FAM161A: variants seen among roughly 807,000 people sequenced by gnomAD.
FAM161A encodes the protein protein FAM161A.
A neutral mutation model predicts 70.9 loss-of-function variants in FAM161A; 57 were observed. That is an observed-to-expected ratio of 0.80 (90% CI 0.65 to 1.00). The LOEUF (loss-of-function observed/expected upper bound fraction) is 1.00. FAM161A is among the 50% of genes least tolerant of loss of function. The probability of loss-of-function intolerance (pLI) is 0.00; values close to 1 mark genes in which losing one functional copy is unlikely to be tolerated. For synonymous variants in FAM161A, 299 were observed against 295.7 expected, an observed-to-expected ratio of 1.01 and a Z score of -0.12; for missense variants, 880 against 836.0, an observed-to-expected ratio of 1.05 and a Z score of -0.65.
intron 1 of FAM161A, among the ~76,000 whole-genome samples, chr2:61,849,560 G>A (rs1395668170): frequency 2.0e-5 from 3 of 151,920 alleles, no homozygotes; most frequent in East Asian, 3.9e-4. Flanking sequence ...CAAGGCTGGC[G>A]AATCACTTGA....
In FAM161A at chr2:61,840,566, C is replaced by A. The variant is rs745589854; in HGVS notation, c.438G>T (p.Lys146Asn). The change falls in exon 3 of 7, where the codon AAG becomes AAT. Residue 146 changes from lysine (K) to asparagine (N), a missense_variant. Lys to Asn is a moderately conservative substitution (Grantham distance 94). Transcript: ENST00000404929. ...TTAATGAGACAGGGTGATAGGAGTT[C>A]TTTTCTGATACAGATCTAAATGAGA... The part of the protein sequence containing the change: ...LSDSSRSVSE[K>N]NSYHPVSLMT... The A allele has an allele frequency of 1.2e-6, 2 of 1,608,278 alleles. No homozygotes were observed. Among genetic ancestry groups the A allele is most frequent in the Admixed American group, 1.7e-5 (1 of 60,000 alleles).
At chr2:61,801,366 AGG>A in the FAM161A span, among the ~76,000 whole-genome samples, 1 of 151,364 alleles carries the variant, frequency 6.6e-6, no homozygotes, top group Non-Finnish European at 1.5e-5. Context: ...GTGTGGTAGC[AGG>A]CGCCTGTAAT....
At position 61,826,245 on chromosome 2, in the gene FAM161A, A is replaced by G. The variant is rs1031649889; in HGVS notation, c.*210T>C. The G allele has an allele frequency of 1.0e-5, 7 of 689,094 alleles. No homozygotes were observed. Among genetic ancestry groups the G allele is most frequent in the Non-Finnish European group, 1.3e-5 (5 of 378,820 alleles). 42.7% of individuals were successfully genotyped at this position (689,094 alleles called of 1,614,324 possible). Reference sequence around the variant, plus strand: ...CATAGTTGCAAACAGATAATACACAATGATTTTTAAAACTGAATAGGCAAA... The same window carrying G: ...CATAGTTGCAAACAGATAATACACAGTGATTTTTAAAACTGAATAGGCAAA... On this transcript the variant is annotated 3_prime_UTR_variant, in exon 7 of 7. Transcript: ENST00000404929.
chr2:61,816,432 T>G, the FAM161A span, among the ~76,000 whole-genome samples: 1 of 152,242 alleles, frequency 6.6e-6, no homozygotes, highest in Non-Finnish European at 1.5e-5. Flanking sequence ...CTCTCTACCC[T>G]GCCCTACTGT....
the FAM161A span, among the ~76,000 whole-genome samples, chr2:61,816,111 G>A: frequency 6.6e-6 from 1 of 152,012 alleles, no homozygotes. Context: ...AGGTAAGCTT[G>A]GATCTTTGGG....
chr2:61,803,642 C>G, the FAM161A span, among the ~76,000 whole-genome samples: 1 of 152,120 alleles, frequency 6.6e-6, no homozygotes, highest in Non-Finnish European at 1.5e-5. Context: ...GGTGAAACCC[C>G]ACCTCTACTA....
chr2:61,809,309 T>C, the FAM161A span, among the ~76,000 whole-genome samples: 24 of 152,272 alleles, frequency 1.6e-4, no homozygotes, highest in African/African-American at 4.8e-4. Flanking sequence ...GGCCTGGGGC[T>C]CAGCCTTCTG....
chr2:61,823,584 T>C (rs1326671470), downstream of FAM161A, among the ~76,000 whole-genome samples: 2 of 151,930 alleles, frequency 1.3e-5, no homozygotes, highest in Non-Finnish European at 2.9e-5. Flanking sequence ...CAGGCTGATC[T>C]TGAACTCCTG....
the FAM161A span, among the ~76,000 whole-genome samples, chr2:61,804,223 G>A: frequency 6.6e-6 from 1 of 152,154 alleles, no homozygotes. Flanking sequence ...TGGCCATCTT[G>A]GTTTTGGTGG....
Position 61,840,022 on chromosome 2 carries a change from T to C in FAM161A, c.982A>G (p.Ile328Val), listed in dbSNP as rs192680593. 110 of 1,614,210 alleles carry C rather than the reference T, an allele frequency of 6.8e-5. No homozygotes were observed. The African/African-American group carries it at 1.0e-3, about 15-fold the overall frequency. Residue 328 changes from isoleucine (I) to valine (V), a missense_variant, in exon 3 of 7, where the codon ATA (isoleucine) becomes GTA (valine). Physicochemically the swap from Ile to Val is conservative, Grantham distance 29. Transcript: ENST00000404929. ...LLASQKPFKF[I>V]AREEQKRAAR... ...GCTCGCTTCTGTTCCTCCCTTGCTA[T>C]AAATTTAAATGGCTTTTGTGAGGCC...
At chr2:61,820,971 C>A (rs1393941861), downstream of FAM161A, among the ~76,000 whole-genome samples, 1 of 152,084 alleles carries the variant, frequency 6.6e-6, no homozygotes, top group Non-Finnish European at 1.5e-5. Context: ...CTCTTAGAGG[C>A]AGACTCTATT....
chr2:61,832,236 C>A (rs1672604395), intron 5 of FAM161A, among the ~76,000 whole-genome samples: 1 of 107,192 alleles, frequency 9.3e-6, no homozygotes, highest in Admixed American at 1.3e-4. Flanking sequence ...GAGTAAGACC[C>A]TGTCACACAC....
intron 5 of FAM161A, chr2:61,835,628 A>T (rs1457129318): frequency 6.0e-6 from 1 of 166,632 alleles, no homozygotes; most frequent in Admixed American, 5.9e-5. Flanking sequence ...AGCTTGCAAA[A>T]TTATTTTACG....
In FAM161A at chr2:61,827,087, C is replaced by T. The variant is rs766091550; in HGVS notation, c.2006+17G>A. ...TTTTTTCAAAGGTAAGCCATTCAGA[C>T]ATCTTATATATGTTACCTTTCTTTG... On this transcript the variant is annotated intron_variant, in intron 6 of 6. Coordinates refer to ENST00000404929, the MANE Select transcript of FAM161A (RefSeq NM_001201543.2). The T allele has an allele frequency of 6.2e-6, 10 of 1,612,356 alleles. No homozygotes were observed. In the South Asian group the frequency reaches 7.7e-5, roughly 12 times the overall value.
At chr2:61,834,395 T>G (rs1281430835) in intron 5 of FAM161A, among the ~76,000 whole-genome samples, 1 of 151,666 alleles carries the variant, frequency 6.6e-6, no homozygotes, top group East Asian at 1.9e-4. Flanking sequence ...AACCTACCTA[T>G]TGGGTACTAT....
intron 1 of FAM161A, among the ~76,000 whole-genome samples, chr2:61,846,088 C>CAAAA (rs35291624): frequency 1.6e-4 from 11 of 69,006 alleles, no homozygotes; most frequent in Non-Finnish European, 2.3e-4. Flanking sequence ...GACTCTGTCT[C>CAAAA]AAAAAAAAAA....
At chr2:61,839,363 G>A (rs1221592370) in intron 3 of FAM161A, 58 bp downstream of exon 3, 5 of 1,486,584 alleles carry the variant, frequency 3.4e-6, no homozygotes, top group Non-Finnish European at 4.7e-6. Context: ...ACTCCACAGA[G>A]CTGCATACAC....
chr2:61,834,018 G>A (rs1672679268), intron 5 of FAM161A, among the ~76,000 whole-genome samples: 1 of 152,076 alleles, frequency 6.6e-6, no homozygotes, highest in East Asian at 1.9e-4. Context: ...GTGAAACCCT[G>A]TCTCTAAAAA....
intron 1 of FAM161A, among the ~76,000 whole-genome samples, chr2:61,852,768 G>A (rs1244532264): frequency 1.3e-5 from 2 of 152,122 alleles, no homozygotes; most frequent in Non-Finnish European, 2.9e-5. Flanking sequence ...TGTTGCTAAA[G>A]ATGTTCTCAT....
Sources: allele counts gnomAD v4.1 joint callset (sites outside exome capture counted in the v4.1 genomes callset), GRCh38; gene constraint gnomAD v4.1.1; transcripts MANE v1.5; gene names NCBI Gene and HGNC (gene_info 2026-07-23, HGNC 2026-07-21).